The following DMC1 variants were observed in gnomAD, a reference collection of about 807,000 sequenced individuals.
DMC1 encodes the protein meiotic recombination protein DMC1 homolog.
In DMC1, 27 loss-of-function variants were observed where a neutral mutation model predicts 50.1. The ratio of observed to expected loss-of-function variants is 0.54; its 90% CI spans 0.40 to 0.74. The LOEUF (loss-of-function observed/expected upper bound fraction) is 0.74. DMC1 is among the 30% of genes least tolerant of loss of function. The probability of loss-of-function intolerance (pLI) is 0.00; values close to 1 mark genes in which losing one functional copy is unlikely to be tolerated. For synonymous variants in DMC1, 148 were observed against 136.1 expected (o/e 1.09, Z -0.61); for missense variants, 295 against 420.2 (o/e 0.70, Z 2.60).
At chr22:38,552,132 A>T (rs563868713) in intron 7 of DMC1, among the ~76,000 whole-genome samples, 2 of 152,182 alleles carry the variant, frequency 1.3e-5, no homozygotes, top group South Asian at 4.1e-4. Flanking sequence ...AAGTGCTGGG[A>T]TTACAGGCGT....
intron 12 of DMC1, among the ~76,000 whole-genome samples, chr22:38,527,093 G>A (rs2090100213): frequency 6.6e-6 from 1 of 152,148 alleles, no homozygotes; most frequent in Non-Finnish European, 1.5e-5. Context: ...AAGCAGTCCT[G>A]ATATACTGTG....
intron 1 of DMC1, among the ~76,000 whole-genome samples, chr22:38,568,687 C>A (rs1225982476): frequency 4.6e-5 from 7 of 152,150 alleles, no homozygotes; most frequent in Admixed American, 3.3e-4. Context: ...ACTCTAGGAA[C>A]CTTGACATTA....
chr22:38,539,492 C>A, intron 8 of DMC1, 80 bp from the exon 9 acceptor site: 4 of 1,090,718 alleles, frequency 3.7e-6, no homozygotes, highest in Non-Finnish European at 2.8e-6. Context: ...TAATATCTTC[C>A]GTAAATTAAC....
At chr22:38,568,477 G>GCA in intron 1 of DMC1, 188 bp from the exon 2 acceptor site, 2 of 504,926 alleles carry the variant, frequency 4.0e-6, no homozygotes, top group East Asian at 3.5e-5. Flanking sequence ...GTGTGTGCAT[G>GCA]TGTGTGTGTG....
intron 7 of DMC1, among the ~76,000 whole-genome samples, chr22:38,550,317 C>CTTTTTTTTTT (rs11458767): frequency 3.7e-5 from 5 of 133,972 alleles, no homozygotes; most frequent in Non-Finnish European, 6.4e-5. Context: ...CTTTTCTTTT[C>CTTTTTTTTTT]TTTTTTTTTT....
At chr22:38,544,183 C>A (rs553029706) in intron 8 of DMC1, among the ~76,000 whole-genome samples, 16 of 152,178 alleles carry the variant, frequency 1.1e-4, no homozygotes, top group Non-Finnish European at 2.2e-4. Context: ...GGCAAAATAT[C>A]TGAAAAGACA....
intron 7 of DMC1, among the ~76,000 whole-genome samples, chr22:38,552,289 C>T (rs1334460175): frequency 6.6e-6 from 1 of 152,140 alleles, no homozygotes; most frequent in Non-Finnish European, 1.5e-5. Context: ...TTAAGTCTCT[C>T]TTAGGGCCAA....
At chr22:38,525,962 A>C (rs1039959602) in intron 12 of DMC1, among the ~76,000 whole-genome samples, 2 of 152,080 alleles carry the variant, frequency 1.3e-5, no homozygotes, top group African/African-American at 4.8e-5. Context: ...AATAAAATAA[A>C]ATACATAAAA....
intron 6 of DMC1, among the ~76,000 whole-genome samples, chr22:38,554,319 T>C (rs976540839): frequency 6.6e-6 from 1 of 151,900 alleles, no homozygotes; most frequent in Non-Finnish European, 1.5e-5. Flanking sequence ...TCCAGGTCCA[T>C]TGAACTTTCA....
intron 5 of DMC1, among the ~76,000 whole-genome samples, chr22:38,557,953 G>GTTATTTTTTTTTTTTTTTTTTTTTTTTTT (rs1555940699): frequency 2.1e-5 from 2 of 94,976 alleles, no homozygotes; most frequent in Admixed American, 1.0e-4. Flanking sequence ...ATTAGACAAA[G>GTTATTTTTTTTTTTTTTTTTTTTTTTTTT]TTCTTTTTTT....
downstream of DMC1, among the ~76,000 whole-genome samples, chr22:38,515,671 C>T (rs1214533742): frequency 1.3e-5 from 2 of 150,778 alleles, no homozygotes; most frequent in Admixed American, 1.3e-4. Flanking sequence ...TAGTGGCGGG[C>T]GCCTGCAATC....
At chr22:38,540,331 C>A (rs2090266756) in intron 8 of DMC1, among the ~76,000 whole-genome samples, 1 of 152,090 alleles carries the variant, frequency 6.6e-6, no homozygotes, top group African/African-American at 2.4e-5. Context: ...CAGGCATGAG[C>A]CACCATGCCT....
intron 12 of DMC1, among the ~76,000 whole-genome samples, chr22:38,535,452 A>G (rs2090200836): frequency 6.6e-6 from 1 of 151,918 alleles, no homozygotes; most frequent in African/African-American, 2.4e-5. Context: ...AGGAGAGAGA[A>G]AAAATGTGGC....
In DMC1 at chr22:38,541,887, G is replaced by A. The variant is rs544537610; in HGVS notation, c.495-2475C>T. Among the ~76,000 whole-genome samples, 6 of 151,856 alleles carry A rather than the reference G, an allele frequency of 4.0e-5. No individual in the cohort carries two copies. The South Asian group carries it at 1.0e-3, about 26-fold the overall frequency. On this transcript the variant is annotated intron_variant, in intron 8 of 13. Transcript: ENST00000216024. Reference sequence around the variant, plus strand: ...CATTCATCATGACCAAGTAGGATTCGTCTCAGGGATGCAAGGATGGTTCAA... The same window carrying A: ...CATTCATCATGACCAAGTAGGATTCATCTCAGGGATGCAAGGATGGTTCAA...
At chr22:38,547,677 A>C (rs1028104173) in intron 8 of DMC1, among the ~76,000 whole-genome samples, 10 of 152,092 alleles carry the variant, frequency 6.6e-5, no homozygotes, top group Admixed American at 1.3e-4. Context: ...GTAGCTGGAA[A>C]TACAGGCATG....
intron 8 of DMC1, among the ~76,000 whole-genome samples, chr22:38,547,827 C>T (rs1220113132): frequency 5.9e-5 from 9 of 152,240 alleles, no homozygotes; most frequent in Non-Finnish European, 8.8e-5. Flanking sequence ...GCGTGAGCCA[C>T]GGTGCCTAGC....
rs143609677 is a variant in DMC1 at position 38,528,803 on chromosome 22, T to C, written c.837-7079A>G. Among the ~76,000 whole-genome samples the C allele has an allele frequency of 4.6e-5, 7 of 152,060 alleles. No homozygotes were observed. The East Asian group carries it at 1.4e-3, about 30-fold the overall frequency. On this transcript the variant is annotated intron_variant, in intron 12 of 13. Transcript: ENST00000216024. ...TCTCAAAAACTAAACTAAACTAAAA[T>C]AATACATAGGATAACTATTATTTAA...
intron 12 of DMC1, among the ~76,000 whole-genome samples, chr22:38,536,831 A>C (rs1048143144): frequency 3.3e-5 from 5 of 152,086 alleles, no homozygotes; most frequent in African/African-American, 1.2e-4. Flanking sequence ...ACAATTATGA[A>C]GTCATATACA....
chr22:38,545,675 C>T, intron 8 of DMC1: 1 of 152,264 alleles, frequency 6.6e-6, no homozygotes, highest in African/African-American at 2.4e-5. Flanking sequence ...CCCGCGTCGG[C>T]CTCCCAAAGT....
Sources: allele counts gnomAD v4.1 joint callset (sites outside exome capture counted in the v4.1 genomes callset), GRCh38; gene constraint gnomAD v4.1.1; transcripts MANE v1.5; gene names NCBI Gene and HGNC (gene_info 2026-07-23, HGNC 2026-07-21).